Variants in SPATA13 observed in about 807,000 individuals in gnomAD.
The protein encoded by SPATA13 is spermatogenesis-associated protein 13.
SPATA13 carries 50 observed loss-of-function variants against 104.0 expected under a neutral mutation model. That is an observed-to-expected ratio of 0.48 (90% CI 0.38 to 0.61). The LOEUF (loss-of-function observed/expected upper bound fraction) is 0.61. Among genes scored for constraint, SPATA13 ranks in the 20% least tolerant of loss-of-function variants. The probability of loss-of-function intolerance (pLI) is 0.00; values close to 1 mark genes in which losing one functional copy is unlikely to be tolerated. For synonymous variants in SPATA13, 606 were observed against 667.5 expected (o/e 0.91, Z 1.42); for missense variants, 1,524 against 1,690.6 (o/e 0.90, Z 1.73).
rs1871717279 is a variant in SPATA13 at position 24,223,373 on chromosome 13, C to G, written c.444C>G (p.Ile148Met). 6.4e-7 allele frequency: 1 copy of G among 1,551,342 alleles called. No homozygotes were observed. The highest frequency in any genetic ancestry group is 1.2e-5 in the South Asian group (1 of 84,062). The change falls in exon 2 of 13, where the codon ATC becomes ATG. Residue 148 changes from isoleucine to methionine, a missense_variant. Physicochemically the swap from Ile to Met is conservative, Grantham distance 10. This residue lies in a region of SPATA13 where 1,089 missense variants were observed against 1,135.9 expected (regional missense o/e 0.96). Transcript: ENST00000382108. ...CGGAGCATGGCCTGGGAAAGTCCAT[C>G]CCAAATGGCGCTGTCCCAGGAGCCC... ...EASEHGLGKS[I>M]PNGAVPGAQA...
rs192885965 is a variant in SPATA13, at chr13:24,304,846, G to A, written c.*2073G>A. ...GGAGAGGTCCTGTGGCATGTGTGGG[G>A]GTGTGTGTGTGTATGTTTCCTTCTT... On this transcript the variant is annotated 3_prime_UTR_variant, in exon 13 of 13. Coordinates refer to ENST00000382108, the MANE Select transcript of SPATA13 (RefSeq NM_001166271.3). 2 of 152,156 alleles carry A rather than the reference G, an allele frequency of 1.3e-5. No individual in the cohort carries two copies. Among genetic ancestry groups the A allele is most frequent in the African/African-American group, 2.4e-5 (1 of 41,502 alleles). The allele number at this position is 152,156 out of a possible 1,614,324, so 9.4% of individuals were successfully genotyped here. A position where few individuals can be genotyped will look rare whatever the true frequency, so the allele number is the denominator to read the frequency against.
intron 3 of SPATA13, among the ~76,000 whole-genome samples, chr13:24,025,615 C>G (rs753813313): frequency 3.9e-5 from 6 of 152,162 alleles, no homozygotes; most frequent in Non-Finnish European, 8.8e-5. Flanking sequence ...GCTCTAAATC[C>G]TTACTAAAAT....
chr13:24,132,938 G>C (rs1451353847), intron 3 of SPATA13, among the ~76,000 whole-genome samples: 4 of 151,142 alleles, frequency 2.6e-5, no homozygotes, highest in Admixed American at 2.0e-4. Context: ...TTGTACCACT[G>C]TACTTCCAGC....
At chr13:24,170,046 A>G (rs1298433393) in intron 1 of SPATA13, among the ~76,000 whole-genome samples, 3 of 152,244 alleles carry the variant, frequency 2.0e-5, no homozygotes, top group Admixed American at 6.5e-5. Flanking sequence ...AGCTTTAGGC[A>G]GTACACAGAA....
intron 2 of SPATA13, among the ~76,000 whole-genome samples, chr13:23,985,962 C>T (rs908588149): frequency 4.6e-5 from 7 of 152,158 alleles, no homozygotes; most frequent in South Asian, 2.1e-4. Flanking sequence ...GCTGCAAGTG[C>T]GCTTCTCCTC....
chr13:24,099,950 G>A (rs1357360647), intron 3 of SPATA13, among the ~76,000 whole-genome samples: 1 of 152,202 alleles, frequency 6.6e-6, no homozygotes, highest in Non-Finnish European at 1.5e-5. Flanking sequence ...GCAGGGCAAT[G>A]ATTTTTAGTG....
At chr13:24,150,856 T>C (rs758002132) in intron 3 of SPATA13, among the ~76,000 whole-genome samples, 3 of 152,200 alleles carry the variant, frequency 2.0e-5, no homozygotes, top group South Asian at 2.1e-4. Flanking sequence ...ACTTAGCTGT[T>C]AGTATCACCT....
intron 10 of SPATA13, among the ~76,000 whole-genome samples, chr13:24,295,768 A>G (rs1876735796): frequency 6.6e-6 from 1 of 152,124 alleles, no homozygotes; most frequent in African/African-American, 2.4e-5. Flanking sequence ...CACTGATCTG[A>G]GCCATTTGTA....
At chr13:23,990,765 T>C (rs572185572) in intron 2 of SPATA13, among the ~76,000 whole-genome samples, 2 of 152,188 alleles carry the variant, frequency 1.3e-5, no homozygotes, top group Non-Finnish European at 2.9e-5. Context: ...ACCTAACATA[T>C]TGATTGCTCA....
At position 24,223,165 on chromosome 13, in the gene SPATA13, G is replaced by A. The variant is rs1330122022; in HGVS notation, c.236G>A (p.Ser79Asn). ...PAKLVRLFST[S>N]RKRTGAHPER... ...AAGCTTGTGCGCCTCTTTTCCACCAGTCGGAAGAGGACGGGTGCCCACCCC... is the reference window on the plus strand; with the variant it reads ...AAGCTTGTGCGCCTCTTTTCCACCAATCGGAAGAGGACGGGTGCCCACCCC... Residue 79 changes from serine (S) to asparagine (N), a missense_variant, in exon 2 of 13, where the codon AGT (serine) becomes AAT (asparagine). Ser to Asn is a conservative substitution (Grantham distance 46, BLOSUM62 1). Coordinates refer to ENST00000382108, the MANE Select transcript of SPATA13 (RefSeq NM_001166271.3). The A allele has an allele frequency of 1.9e-6, 3 of 1,551,708 alleles. No individual in the cohort carries two copies. The highest frequency in any genetic ancestry group is 1.7e-6 in the Non-Finnish European group (2 of 1,147,020).
At chr13:24,170,164 G>A (rs886126653) in intron 1 of SPATA13, among the ~76,000 whole-genome samples, 4 of 152,180 alleles carry the variant, frequency 2.6e-5, no homozygotes, top group African/African-American at 9.7e-5. Context: ...GCCTCAGTAT[G>A]TCTGATTTGG....
At chr13:24,295,580 C>G (rs7330926) in intron 10 of SPATA13, among the ~76,000 whole-genome samples, 5,939 of 151,710 alleles carry the variant, frequency 0.039, 391 homozygotes, top group African/African-American at 0.14. Context: ...CCCCTGCACT[C>G]TAGTCTGGGT....
At chr13:24,052,390 A>G (rs556848633) in intron 3 of SPATA13, among the ~76,000 whole-genome samples, 1 of 152,072 alleles carries the variant, frequency 6.6e-6, no homozygotes, top group African/African-American at 2.4e-5. Context: ...CAAGAACAAC[A>G]ACAACAAACT....
At chr13:24,266,925 G>T (rs1874325664) in intron 4 of SPATA13, among the ~76,000 whole-genome samples, 2 of 152,130 alleles carry the variant, frequency 1.3e-5, no homozygotes, top group South Asian at 4.2e-4. Flanking sequence ...CCAAAGTGCT[G>T]GGATTATAGG....
intron 4 of SPATA13, among the ~76,000 whole-genome samples, chr13:24,278,309 A>T (rs867003988): frequency 2.6e-5 from 4 of 152,320 alleles, no homozygotes; most frequent in Middle Eastern, 3.4e-3. Flanking sequence ...CTCATCTGCA[A>T]GTGGGGACAA....
intron 3 of SPATA13, among the ~76,000 whole-genome samples, chr13:24,141,012 T>C (rs1881745251): frequency 6.6e-6 from 1 of 151,892 alleles, no homozygotes; most frequent in Non-Finnish European, 1.5e-5. Context: ...CTGTCTCTAC[T>C]AAAAATACAA....
intron 2 of SPATA13, among the ~76,000 whole-genome samples, chr13:24,225,524 G>C (rs1343767885): frequency 6.6e-6 from 1 of 152,228 alleles, no homozygotes; most frequent in South Asian, 2.1e-4. Flanking sequence ...CTCATCACCT[G>C]CATTACAGCA....
chr13:24,228,865 T>G (rs1475662471), intron 2 of SPATA13, among the ~76,000 whole-genome samples: 1 of 152,234 alleles, frequency 6.6e-6, no homozygotes, highest in Non-Finnish European at 1.5e-5. Context: ...ATAATTTTTA[T>G]TTAGAATCAC....
At chr13:24,072,650 T>C (rs186155816) in intron 3 of SPATA13, among the ~76,000 whole-genome samples, 1 of 152,270 alleles carries the variant, frequency 6.6e-6, no homozygotes, top group East Asian at 1.9e-4. Flanking sequence ...TTTCATTGAA[T>C]CTGCCTTCTG....
Sources: gnomAD v4.1 joint callset for allele counts (sites outside exome capture counted in the v4.1 genomes callset) on GRCh38, gnomAD v4.1.1 for gene constraint, gnomAD v4.1.1 regional missense constraint, MANE v1.5 for transcripts, NCBI Gene and HGNC (gene_info 2026-07-23, HGNC 2026-07-21) for gene names.